Variants in API5 observed in about 807,000 individuals in gnomAD.
API5 encodes the protein FIF.
In API5, 6 loss-of-function variants were observed where a neutral mutation model predicts 71.9. The ratio of observed to expected loss-of-function variants is 0.08; its 90% CI spans 0.05 to 0.16. The LOEUF (loss-of-function observed/expected upper bound fraction) is 0.16, where lower values mean the gene tolerates loss of function less well. Among genes scored for constraint, API5 ranks in the 10% least tolerant of loss-of-function variants. The pLI, the probability that API5 is intolerant of heterozygous loss-of-function variation, is 1.00. For missense variants in API5, 332 were observed against 612.8 expected, an observed-to-expected ratio of 0.54 and a Z score of 4.84; for synonymous variants, 189 against 221.3, an observed-to-expected ratio of 0.85 and a Z score of 1.30.
intron 6 of API5, among the ~76,000 whole-genome samples, chr11:43,326,247 G>A (rs1309894118): frequency 6.6e-6 from 1 of 152,168 alleles, no homozygotes; most frequent in Admixed American, 6.5e-5. Context: ...TCTTGACCTT[G>A]ATGGAGCTTA....
intron 5 of API5, 49 bp from the exon 6 acceptor site, chr11:43,323,381 C>G (rs1359752846): frequency 6.9e-7 from 1 of 1,455,818 alleles, no homozygotes; most frequent in Non-Finnish European, 9.6e-7. Context: ...GTTGATCTGT[C>G]CCATTCAAAT....
Position 43,322,091 on chromosome 11 carries a change from C to G in API5, c.498C>G (p.Val166=), listed in dbSNP as rs762384269. The change falls in exon 5 of 14, where the codon GTC becomes GTG. Residue 166 remains valine (V), a synonymous_variant. Transcript: ENST00000531273. ...STKLKTLPDE[V]LTKEVEELIL... ...AACTTAAGACTTTACCAGATGAAGT[C>G]TTAACAAAGGAAGTGGAAGAGCTTA... The G allele has an allele frequency of 6.2e-7, 1 of 1,612,866 alleles. No homozygotes were observed. The highest frequency in any genetic ancestry group is 1.1e-5 in the South Asian group (1 of 90,958).
Position 43,312,047 on chromosome 11 carries a change from G to C in API5, c.-81G>C. The C allele has an allele frequency of 6.7e-7, 1 of 1,496,752 alleles. No homozygotes were observed. Among genetic ancestry groups the C allele is most frequent in the Non-Finnish European group, 9.2e-7 (1 of 1,084,656 alleles). 92.7% of individuals were successfully genotyped at this position (1,496,752 alleles called of 1,614,324 possible). A position where few individuals can be genotyped will look rare whatever the true frequency, so the allele number is the denominator to read the frequency against. On this transcript the variant is annotated 5_prime_UTR_variant, in exon 1 of 14. Coordinates refer to ENST00000531273, the MANE Select transcript of API5 (RefSeq NM_001142930.2). ...CTGGAGGTGTAATAGTGCGGGTAGT[G>C]GGTTTGGAGAAGTTCCGAGGCGGCG... is the stretch of plus-strand genomic sequence containing the variant.
rs957987006 is a variant in API5, at chr11:43,324,899, G to A, written c.750+1263G>A. On this transcript the variant is annotated intron_variant, in intron 6 of 13. Transcript: ENST00000531273. ...TTGCCATGTTGCCCAGGCTGCTCTC[G>A]CACTCCTGAGTTCAGGCAATCCACC... is the stretch of plus-strand genomic sequence containing the variant. Among the ~76,000 whole-genome samples the A allele has an allele frequency of 5.9e-5, 9 of 151,782 alleles. No homozygotes were observed. In the South Asian group the frequency reaches 6.2e-4, roughly 11 times the overall value.
chr11:43,341,737 T>C (rs962249347), intron 13 of API5, among the ~76,000 whole-genome samples: 1 of 152,140 alleles, frequency 6.6e-6, no homozygotes, highest in Non-Finnish European at 1.5e-5. Context: ...ACAAAGAAAT[T>C]ATAGGTGTTT....
intron 6 of API5, among the ~76,000 whole-genome samples, chr11:43,324,120 C>G (rs1211719130): frequency 6.6e-6 from 1 of 152,136 alleles, no homozygotes; most frequent in Non-Finnish European, 1.5e-5. Context: ...CAGGCTCAAG[C>G]CTTCCTTCCA....
chr11:43,318,537 G>A, intron 1 of API5, 103 bp from the exon 2 acceptor site: 1 of 1,572,614 alleles, frequency 6.4e-7, no homozygotes, highest in East Asian at 2.3e-5. Flanking sequence ...TTCTTAGCCT[G>A]TGTAAAAATT....
rs1432727813 is a variant in API5, at chr11:43,327,852, T to G, written c.919T>G (p.Leu307Val). ...TGACATGGAAAAACTAGAAACAAAT[T>G]TAAGGAAACTATTTGATAAGTTATT... is the stretch of plus-strand genomic sequence containing the variant. Reference protein sequence around the residue: ...CGDMEKLETNLRKLFDKLLEY... With the variant: ...CGDMEKLETNVRKLFDKLLEY... Residue 307 changes from leucine to valine, a missense_variant, in exon 8 of 14, where the codon TTA becomes GTA. Physicochemically the swap from Leu to Val is conservative, Grantham distance 32. Transcript: ENST00000531273. 3.7e-6 allele frequency: 6 copies of G among 1,612,522 alleles called. No individual in the cohort carries two copies. Among genetic ancestry groups the G allele is most frequent in the Non-Finnish European group, 5.1e-6 (6 of 1,179,156 alleles).
chr11:43,338,671 C>CAAAAAAA (rs1855516023), intron 13 of API5, among the ~76,000 whole-genome samples: 1 of 82,014 alleles, frequency 1.2e-5, no homozygotes. Context: ...AAAAAAAAAG[C>CAAAAAAA]ATTTGCCAAT....
chr11:43,320,780 G>A (rs747699376), intron 2 of API5, 41 bp from the exon 3 acceptor site: 3 of 1,412,432 alleles, frequency 2.1e-6, no homozygotes, highest in East Asian at 2.3e-5. Context: ...TATTTTAAAG[G>A]TGATAGTATT....
rs117025551 is a variant in API5 at position 43,334,300 on chromosome 11, T to G, written c.1279-978T>G. Reference sequence around the variant, plus strand: ...AACTATACGCCATTTTCCTGTTGTCTTCTGAGATTTAACATGTTTATAATT... The same window carrying G: ...AACTATACGCCATTTTCCTGTTGTCGTCTGAGATTTAACATGTTTATAATT... On this transcript the variant is annotated intron_variant, in intron 11 of 13. Transcript: ENST00000531273. Among the ~76,000 whole-genome samples, 57 of 152,316 alleles carry G rather than the reference T, an allele frequency of 3.7e-4. No individual in the cohort carries two copies. In the East Asian group the frequency reaches 0.01, roughly 27 times the overall value.
chr11:43,312,331 C>A, intron 1 of API5, 135 bp downstream of exon 1: 1 of 940,004 alleles, frequency 1.1e-6, no homozygotes. Context: ...CTCAGGCCGT[C>A]TCGTCGGGGT....
intron 6 of API5, among the ~76,000 whole-genome samples, chr11:43,324,338 T>C (rs1338331324): frequency 1.3e-5 from 2 of 152,126 alleles, no homozygotes; most frequent in Admixed American, 6.5e-5. Flanking sequence ...TTTTAAGTCT[T>C]CCTAGAGACT....
intron 4 of API5, 87 bp from the exon 5 acceptor site, chr11:43,321,898 A>G (rs1854904906): frequency 1.5e-6 from 2 of 1,325,984 alleles, no homozygotes; most frequent in Non-Finnish European, 2.1e-6. Flanking sequence ...AACTTATTTG[A>G]GAAGAAATAC....
chr11:43,336,668 A>T (rs981381263), intron 13 of API5, among the ~76,000 whole-genome samples: 1 of 151,798 alleles, frequency 6.6e-6, no homozygotes, highest in Non-Finnish European at 1.5e-5. Context: ...CTTTTTTTTT[A>T]AAAGAATGGA....
chr11:43,340,137 G>C (rs1418209898), intron 13 of API5: 1 of 244,532 alleles, frequency 4.1e-6, no homozygotes, highest in African/African-American at 2.4e-5. Context: ...GCATTTCTAT[G>C]CATGAACAGT....
At chr11:43,321,945 A>G (rs374710942) in intron 4 of API5, 40 bp from the exon 5 acceptor site, 10 of 1,581,908 alleles carry the variant, frequency 6.3e-6, no homozygotes, top group Admixed American at 3.7e-5. Context: ...CCATTACACT[A>G]TAGAATTGAC....
chr11:43,328,230 T>C (rs900933208), intron 8 of API5, among the ~76,000 whole-genome samples: 20 of 152,242 alleles, frequency 1.3e-4, no homozygotes, highest in Admixed American at 7.9e-4. Flanking sequence ...TGGGTTGTTA[T>C]AGCACTGATA....
At chr11:43,342,002 A>T (rs1048182673) in intron 13 of API5, among the ~76,000 whole-genome samples, 82 of 152,018 alleles carry the variant, frequency 5.4e-4, no homozygotes, top group African/African-American at 1.9e-3. Context: ...AAAAATAGCC[A>T]AACATGGTGG....
Sources: allele counts gnomAD v4.1 joint callset (sites outside exome capture counted in the v4.1 genomes callset), GRCh38; gene constraint gnomAD v4.1.1; transcripts MANE v1.5; gene names NCBI Gene and HGNC (gene_info 2026-07-23, HGNC 2026-07-21).